The following SMTN variants were observed in gnomAD, a reference collection of about 807,000 sequenced individuals.
The protein encoded by SMTN is smoothelin.
In SMTN, 58 loss-of-function variants were observed where a neutral mutation model predicts 102.0. That is an observed-to-expected ratio of 0.57 (90% confidence interval 0.46 to 0.71). The LOEUF is 0.71. Ranked by LOEUF, SMTN falls within the 30% of genes least tolerant of loss-of-function variation. The pLI is 0.00. For synonymous variants in SMTN, 478 were observed against 497.9 expected (o/e 0.96, Z 0.53); for missense variants, 1,185 against 1,241.7 (o/e 0.95, Z 0.69).
rs1033932865 is a variant in SMTN, at chr22:31,073,255, A to ACACG, written c.-385-7184_-385-7181dup. Among the ~76,000 whole-genome samples the ACACG allele has an allele frequency of 8.6e-5, 13 of 151,988 alleles. No homozygotes were observed. In the South Asian group the frequency reaches 1.7e-3, roughly 19 times the overall value. ...CACATACAGACACAGACACACATAC[A>ACACG]CACGCACGCACGCATGCACGCATGC... On this transcript the variant is annotated intron_variant, in intron 1 of 3. Coordinates refer to the SMTN transcript ENST00000422839.
In SMTN at chr22:31,073,553, C is replaced by A. The variant is rs7286997; in HGVS notation, c.-385-6897C>A. ...GAAAGCCTGGGGTGGAGGCAGGATT[C>A]GGGGGCAAGGTCACTGCTTGGAAAA... On this transcript the variant is annotated intron_variant, in intron 1 of 3. Coordinates refer to the SMTN transcript ENST00000422839. Among the ~76,000 whole-genome samples, 3 of 152,006 alleles carry A rather than the reference C, an allele frequency of 2.0e-5. No individual in the cohort carries two copies. The South Asian group carries it at 6.2e-4, about 31-fold the overall frequency.
chr22:31,086,856 C>T (rs1012090861), intron 2 of SMTN, among the ~76,000 whole-genome samples: 3 of 152,204 alleles, frequency 2.0e-5, no homozygotes, highest in African/African-American at 7.2e-5. Flanking sequence ...AGCCCACACT[C>T]CCTGCTGAAA....
chr22:31,096,751 G>C lies in SMTN; in HGVS notation c.1880G>C (p.Arg627Pro). 2 of 1,552,374 alleles carry C rather than the reference G, an allele frequency of 1.3e-6. No homozygotes were observed. The highest frequency in any genetic ancestry group is 1.7e-6 in the Non-Finnish European group (2 of 1,153,930). The change falls in exon 14 of 21, where the codon CGG becomes CCG. Residue 627 changes from arginine (R) to proline (P), a missense_variant. Arg to Pro is a moderately radical substitution (Grantham distance 103). Around this residue, in one of 2 missense-constraint regions of SMTN, gnomAD observed 1,096 missense variants for 1,112.7 expected, o/e 0.98. Transcript: ENST00000333137. ...TGCCCAGACCAGCGGGACAAGGAGC[G>C]GGAACGGCGGCTGCAGGAGGCACGG... ...QRKRDQRDKE[R>P]ERRLQEARGR...
rs146417865 is a variant in SMTN at position 31,090,971 on chromosome 22, C to G, written c.948C>G (p.Pro316=). ...TCCTGTTCCTTCTAGAGTCCACCCC[C>G]CTTGCCAGCGGACCTTCCTCATTCC... ...RQPAQNREST[P]LASGPSSFQR... Residue 316 remains proline (P), a synonymous_variant, in exon 10 of 21, where the codon CCC becomes CCG. Transcript: ENST00000333137. The G allele has an allele frequency of 9.3e-6, 15 of 1,613,200 alleles. No homozygotes were observed. The highest frequency in any genetic ancestry group is 6.7e-5 in the East Asian group (3 of 44,868).
At chr22:31,098,909 AGTTGGCCC>A in intron 17 of SMTN, 69 bp downstream of exon 17, 227 of 1,558,448 alleles carry the variant, frequency 1.5e-4, no homozygotes, top group Non-Finnish European at 1.8e-4. Context: ...GGGGCTTGAT[AGTTGGCCC>A]GGCAGAGGCG....
chr22:31,096,750 C>T lies in SMTN; in HGVS notation c.1879C>T (p.Arg627Trp), dbSNP rs769869796. Residue 627 changes from arginine (R) to tryptophan (W), a missense_variant, in exon 14 of 21, where the codon CGG becomes TGG. Physicochemically the swap from Arg to Trp is moderately radical, Grantham distance 101. Coordinates refer to ENST00000333137, the MANE Select transcript of SMTN (RefSeq NM_134269.3). Reference protein sequence around the residue: ...QRKRDQRDKERERRLQEARGR... With the variant: ...QRKRDQRDKEWERRLQEARGR... ...CTGCCCAGACCAGCGGGACAAGGAG[C>T]GGGAACGGCGGCTGCAGGAGGCACG... 3.4e-5 allele frequency: 52 copies of T among 1,551,156 alleles called. No individual in the cohort carries two copies. The highest frequency in any genetic ancestry group is 3.8e-5 in the Non-Finnish European group (44 of 1,153,552).
intron 1 of SMTN, chr22:31,082,356 CCT>C (rs1247310250): frequency 1.4e-5 from 5 of 353,480 alleles, no homozygotes; most frequent in Admixed American, 3.7e-5. Context: ...GGGGCTCTTG[CCT>C]CTGTCACTGA....
Position 31,099,808 on chromosome 22 carries a change from CACA to C in SMTN, c.2518_2520del (p.Asn840del), listed in dbSNP as rs1407992686. On this transcript the variant is annotated inframe_deletion, in exon 19 of 21. Transcript: ENST00000333137. ...TGGGATGGCCTTCTGTGCCCTGGTG[CACA>C]ACTTCTTCCCTGAGGCCTTCGACTA... The C allele has an allele frequency of 6.2e-7, 1 of 1,614,098 alleles. No homozygotes were observed.
At position 31,100,872 on chromosome 22, in the gene SMTN, C is replaced by T. The variant is rs1569270056; in HGVS notation, c.2604-13C>T. 1 of 1,546,612 alleles carries T rather than the reference C, an allele frequency of 6.5e-7. No individual in the cohort carries two copies. The highest frequency in any genetic ancestry group is 1.8e-5 in the Admixed American group (1 of 54,434). ...CCGTCCCCCACCCCTTCCCGGCCCCCTACCCTCCCCAGGACCCATGCGGAC... is the reference window on the plus strand; with the variant it reads ...CCGTCCCCCACCCCTTCCCGGCCCCTTACCCTCCCCAGGACCCATGCGGAC... On this transcript the variant is annotated splice_polypyrimidine_tract_variant and intron_variant, in intron 19 of 20. Coordinates refer to ENST00000333137, the MANE Select transcript of SMTN (RefSeq NM_134269.3).
At chr22:31,077,961 C>G (rs1244205292), upstream of SMTN, among the ~76,000 whole-genome samples, 3 of 152,226 alleles carry the variant, frequency 2.0e-5, no homozygotes, top group Non-Finnish European at 4.4e-5. Context: ...CCAGCCAACC[C>G]CAACAAGAAC....
At chr22:31,067,247 T>TG (rs926072588) in intron 1 of SMTN, 1 of 151,472 alleles carries the variant, frequency 6.6e-6, no homozygotes, top group African/African-American at 2.4e-5. Context: ...CAGAAAGGTT[T>TG]TTTTTTTTTT....
At chr22:31,070,015 A>G (rs2041959160) in intron 1 of SMTN, among the ~76,000 whole-genome samples, 1 of 152,172 alleles carries the variant, frequency 6.6e-6, no homozygotes, top group African/African-American at 2.4e-5. Flanking sequence ...GTTCTTGAGC[A>G]GGGGAGTGAC....
intron 8 of SMTN, 54 bp from the exon 9 acceptor site, chr22:31,090,754 C>T: frequency 1.5e-6 from 2 of 1,369,696 alleles, no homozygotes; most frequent in South Asian, 1.2e-5. Context: ...CACCCACTAT[C>T]CCCTGTCTTT....
intron 2 of SMTN, among the ~76,000 whole-genome samples, chr22:31,086,177 A>T (rs895863779): frequency 3.3e-5 from 5 of 151,774 alleles, no homozygotes; most frequent in Admixed American, 2.0e-4. Flanking sequence ...GCCTCAGAGC[A>T]TCTCTAGTCC....
chr22:31,096,546 C>T (rs1009930845), intron 13 of SMTN, 187 bp from the exon 14 acceptor site: 3 of 544,318 alleles, frequency 5.5e-6, no homozygotes, highest in South Asian at 3.2e-5. Context: ...TCCCACACTC[C>T]ATTCCCTGTC....
intron 8 of SMTN, 56 bp from the exon 9 acceptor site, chr22:31,090,752 A>T: frequency 7.4e-7 from 1 of 1,343,908 alleles, no homozygotes; most frequent in East Asian, 2.3e-5. Flanking sequence ...GACACCCACT[A>T]TCCCCTGTCT....
chr22:31,074,784 T>G (rs2042088961), intron 1 of SMTN, among the ~76,000 whole-genome samples: 1 of 149,960 alleles, frequency 6.7e-6, no homozygotes. Context: ...GTGACAAGAG[T>G]GAAACTGTCT....
Position 31,088,707 on chromosome 22 carries a change from C to T in SMTN, c.303C>T (p.Ser101=), listed in dbSNP as rs766069549. 1.5e-5 allele frequency: 25 copies of T among 1,613,624 alleles called. No individual in the cohort carries two copies. Among genetic ancestry groups the T allele is most frequent in the Admixed American group, 3.3e-5 (2 of 59,884 alleles). Residue 101 remains serine (S), a synonymous_variant, in exon 5 of 21, where the codon AGC becomes AGT. Transcript: ENST00000333137. The part of the protein sequence containing the change: ...DVEELTALLR[S]AGEYEERKLI... ...CTGTCTCTTACCCACAGTTGCGAAG[C>T]GCTGGTGAGTATGAGGAGCGCAAGC...
chr22:31,089,796 T>C lies in SMTN; in HGVS notation c.569T>C (p.Leu190Pro), dbSNP rs1001491481. The change falls in exon 7 of 21, where the codon CTG becomes CCG. Residue 190 changes from leucine to proline, a missense_variant. Around this residue, in one of 2 missense-constraint regions of SMTN, gnomAD observed 1,096 missense variants for 1,112.7 expected, o/e 0.98. Transcript: ENST00000333137. Reference sequence around the variant, plus strand: ...CAGGATGTGACCACAGTGACACTCCTGCTGCGAGCCCCACCTGGGAGCACA... The same window carrying C: ...CAGGATGTGACCACAGTGACACTCCCGCTGCGAGCCCCACCTGGGAGCACA... ...TSQDVTTVTL[L>P]LRAPPGSTSS... The C allele has an allele frequency of 1.2e-6, 2 of 1,613,316 alleles. No homozygotes were observed. Among genetic ancestry groups the C allele is most frequent in the Non-Finnish European group, 1.7e-6 (2 of 1,179,948 alleles).
Sources: gnomAD v4.1 joint callset for allele counts (sites outside exome capture counted in the v4.1 genomes callset) on GRCh38, gnomAD v4.1.1 for gene constraint, gnomAD v4.1.1 regional missense constraint, MANE v1.5 for transcripts, NCBI Gene and HGNC (gene_info 2026-07-23, HGNC 2026-07-21) for gene names.